ARHGEF10L: variants seen among roughly 807,000 people sequenced by gnomAD.
ARHGEF10L encodes the protein rho guanine nucleotide exchange factor 10-like protein.
ARHGEF10L carries 69 observed loss-of-function variants against 141.2 expected under a neutral mutation model. The observed-to-expected ratio is 0.49, with a 90% confidence interval of 0.40 to 0.60. The LOEUF (loss-of-function observed/expected upper bound fraction) is 0.60, where lower values mean the gene tolerates loss of function less well. Among genes scored for constraint, ARHGEF10L ranks in the 20% least tolerant of loss-of-function variants. The pLI, the probability that ARHGEF10L is intolerant of heterozygous loss-of-function variation, is 0.00. For missense variants in ARHGEF10L, 1,482 were observed against 1,734.3 expected (o/e 0.85, Z 2.58); for synonymous variants, 711 against 718.5 (o/e 0.99, Z 0.17).
intron 27 of ARHGEF10L, chr1:17,694,238 T>C (rs1048342962): frequency 6.5e-6 from 1 of 152,784 alleles, no homozygotes; most frequent in African/African-American, 2.4e-5. Flanking sequence ...TGGTCTGTTG[T>C]TGACTGAAAG....
At chr1:17,606,081 C>T (rs944050216) in intron 6 of ARHGEF10L, among the ~76,000 whole-genome samples, 3 of 152,094 alleles carry the variant, frequency 2.0e-5, no homozygotes, top group Non-Finnish European at 2.9e-5. Flanking sequence ...GGACTGACAC[C>T]CAAGCTCCCC....
intron 1 of ARHGEF10L, among the ~76,000 whole-genome samples, chr1:17,567,423 A>G (rs576755001): frequency 6.6e-6 from 1 of 152,248 alleles, no homozygotes; most frequent in Admixed American, 6.5e-5. Flanking sequence ...CTGGAGTACA[A>G]TGGCGCGATC....
rs759211882 is a variant in ARHGEF10L at position 17,543,311 on chromosome 1, G to A, written c.-44+3361G>A. ...TATAAAAAATTCTGAGGCCAGGAGC[G>A]ATGGCTCATGCGTGTAATCCCAGCA... is the stretch of plus-strand genomic sequence containing the variant. On this transcript the variant is annotated intron_variant, in intron 1 of 28. Coordinates refer to ENST00000361221, the MANE Select transcript of ARHGEF10L (RefSeq NM_018125.4). Among the ~76,000 whole-genome samples, 7 of 152,288 alleles carry A rather than the reference G, an allele frequency of 4.6e-5. No individual in the cohort carries two copies. The South Asian group carries it at 6.2e-4, about 14-fold the overall frequency.
chr1:17,652,627 C>T (rs975954418), intron 22 of ARHGEF10L, among the ~76,000 whole-genome samples: 12 of 152,110 alleles, frequency 7.9e-5, no homozygotes, highest in South Asian at 4.1e-4. Context: ...CTGACTACTA[C>T]GGTGTCGAAG....
chr1:17,648,661 G>A lies in ARHGEF10L; in HGVS notation c.2380G>A (p.Ala794Thr), dbSNP rs200537930. ...CTGCATCCCTGCCTTCTCCTCCCGG[G>A]CACTCAGCCTGCAGGTGAGTGGAGC... The part of the protein sequence containing the change: ...ACCIPAFSSR[A>T]LSLQLGALVH... The change falls in exon 22 of 29, where the codon GCA becomes ACA. Residue 794 changes from alanine to threonine, a missense_variant. Ala to Thr is a moderately conservative substitution (Grantham distance 58). This residue lies in a region of ARHGEF10L where 858 missense variants were observed against 966.3 expected (regional missense o/e 0.89). Coordinates refer to ENST00000361221, the MANE Select transcript of ARHGEF10L (RefSeq NM_018125.4). The A allele has an allele frequency of 3.7e-6, 6 of 1,612,530 alleles. No individual in the cohort carries two copies. The highest frequency in any genetic ancestry group is 4.5e-5 in the East Asian group (2 of 44,896).
chr1:17,569,302 G>A (rs906120651), intron 1 of ARHGEF10L, among the ~76,000 whole-genome samples: 1 of 152,192 alleles, frequency 6.6e-6, no homozygotes, highest in Non-Finnish European at 1.5e-5. Context: ...ATCTGGGGAG[G>A]ACAGCACATC....
chr1:17,686,306 T>G (rs911734262), intron 26 of ARHGEF10L, among the ~76,000 whole-genome samples: 1 of 152,108 alleles, frequency 6.6e-6, no homozygotes, highest in Non-Finnish European at 1.5e-5. Flanking sequence ...TAGATAGAAT[T>G]CAAGTGTCCA....
At chr1:17,596,929 G>A (rs2080169429) in intron 4 of ARHGEF10L, among the ~76,000 whole-genome samples, 1 of 152,178 alleles carries the variant, frequency 6.6e-6, no homozygotes, top group South Asian at 2.1e-4. Flanking sequence ...GTGGCACACG[G>A]GGACCTACCC....
At chr1:17,687,943 C>T (rs766619001) in intron 27 of ARHGEF10L, among the ~76,000 whole-genome samples, 196 bp downstream of exon 27, 1 of 152,198 alleles carries the variant, frequency 6.6e-6, no homozygotes, top group Non-Finnish European at 1.5e-5. Flanking sequence ...CCCTGCCTGT[C>T]ACTGTGCCCA....
intron 2 of ARHGEF10L, among the ~76,000 whole-genome samples, chr1:17,581,309 CAAAAAAAAAAAA>C (rs71014975): frequency 1.4e-5 from 1 of 69,292 alleles, no homozygotes; most frequent in Non-Finnish European, 2.5e-5. Flanking sequence ...AAGACTGTCT[CAAAAAAAAAAAA>C]AAAAAAAAAA....
At chr1:17,662,961 T>C (rs1312687694) in intron 25 of ARHGEF10L, among the ~76,000 whole-genome samples, 2 of 152,180 alleles carry the variant, frequency 1.3e-5, no homozygotes, top group East Asian at 1.9e-4. Context: ...CCGCCACTGC[T>C]GCCTGTCTCT....
intron 1 of ARHGEF10L, among the ~76,000 whole-genome samples, chr1:17,571,724 G>A (rs1474913329): frequency 6.6e-6 from 1 of 152,064 alleles, no homozygotes; most frequent in Non-Finnish European, 1.5e-5. Flanking sequence ...AGTAGAGATA[G>A]GGTTTCACCA....
At chr1:17,676,529 G>A (rs1379680146) in intron 26 of ARHGEF10L, among the ~76,000 whole-genome samples, 1 of 151,956 alleles carries the variant, frequency 6.6e-6, no homozygotes, top group East Asian at 1.9e-4. Flanking sequence ...CAGGCTCCAT[G>A]TGGCTCCCCT....
chr1:17,520,560 TTG>T, the ARHGEF10L span, among the ~76,000 whole-genome samples: 1 of 152,104 alleles, frequency 6.6e-6, no homozygotes, highest in Non-Finnish European at 1.5e-5. Context: ...ATTGACACCC[TTG>T]TGTGTCAGGC....
At chr1:17,571,467 G>A (rs1185472903) in intron 1 of ARHGEF10L, among the ~76,000 whole-genome samples, 3 of 152,166 alleles carry the variant, frequency 2.0e-5, no homozygotes, top group African/African-American at 7.2e-5. Flanking sequence ...GGGGAGCAGA[G>A]AAATGGGGTA....
chr1:17,679,309 C>T (rs2063930620), intron 26 of ARHGEF10L, among the ~76,000 whole-genome samples: 1 of 152,216 alleles, frequency 6.6e-6, no homozygotes, highest in South Asian at 2.1e-4. Flanking sequence ...CTCTTGGCCT[C>T]AACCAGGTCA....
chr1:17,639,834 G>A lies in ARHGEF10L; in HGVS notation c.2172-368G>A. 3.7e-6 allele frequency: 5 copies of A among 1,341,434 alleles called. No homozygotes were observed. Among genetic ancestry groups the A allele is most frequent in the Non-Finnish European group, 3.9e-6 (4 of 1,023,168 alleles). 83.1% of individuals were successfully genotyped at this position (1,341,434 alleles called of 1,614,324 possible). ...GTGAGACCCATTCCTCCCTCTAGAG[G>A]CACGTGGTCAGACATGTAAGGTGTC... On this transcript the variant is annotated intron_variant, in intron 20 of 28. Transcript: ENST00000361221. The surrounding 1 kb of genome is among the most constrained non-coding windows in gnomAD (Gnocchi z 4.3).
At chr1:17,592,823 G>T (rs1381235245) in intron 4 of ARHGEF10L, among the ~76,000 whole-genome samples, 1 of 152,122 alleles carries the variant, frequency 6.6e-6, no homozygotes, top group Non-Finnish European at 1.5e-5. Context: ...GTCCCGCAGG[G>T]TCCATGCGGG....
chr1:17,632,682 G>A (rs1028237428), intron 16 of ARHGEF10L, among the ~76,000 whole-genome samples: 3 of 152,158 alleles, frequency 2.0e-5, no homozygotes, highest in South Asian at 2.1e-4. Flanking sequence ...CCTCAGCCTC[G>A]GGCACACAGC....
Sources: gnomAD v4.1 joint callset for allele counts (sites outside exome capture counted in the v4.1 genomes callset) on GRCh38, gnomAD v4.1.1 for gene constraint, gnomAD v4.1.1 regional missense constraint, Gnocchi (gnomAD v3.1) non-coding constraint, MANE v1.5 for transcripts, NCBI Gene and HGNC (gene_info 2026-07-23, HGNC 2026-07-21) for gene names.